CEP112: variants seen among roughly 807,000 people sequenced by gnomAD.
The protein encoded by CEP112 is centrosomal protein of 112 kDa.
A neutral mutation model predicts 153.0 loss-of-function variants in CEP112; 127 were observed. That is an observed-to-expected ratio of 0.83 (90% confidence interval 0.72 to 0.96). The LOEUF (loss-of-function observed/expected upper bound fraction) is 0.96. CEP112 is among the 40% of genes least tolerant of loss of function. The pLI is 0.00. For synonymous variants in CEP112, 358 were observed against 374.4 expected, an observed-to-expected ratio of 0.96 and a Z score of 0.51; for missense variants, 1,089 against 1,101.2, an observed-to-expected ratio of 0.99 and a Z score of 0.16.
chr17:66,043,064 G>A, intron 12 of CEP112: 1 of 978,306 alleles, frequency 1.0e-6, no homozygotes, highest in Non-Finnish European at 1.2e-6. Context: ...TAAGGCTTTT[G>A]GCACTCTTTA....
intron 24 of CEP112, among the ~76,000 whole-genome samples, chr17:65,646,015 C>T (rs1261189970): frequency 1.3e-5 from 2 of 152,146 alleles, no homozygotes; most frequent in African/African-American, 2.4e-5. Context: ...TTGGAGGTCA[C>T]GGCCAAGTAC....
At chr17:65,834,679 T>C (rs2057228471) in intron 21 of CEP112, among the ~76,000 whole-genome samples, 1 of 151,998 alleles carries the variant, frequency 6.6e-6, no homozygotes, top group South Asian at 2.1e-4. Flanking sequence ...TGGCTATTAG[T>C]AAAAAGTCAA....
rs140325143 is a variant in CEP112 at position 65,808,866 on chromosome 17, T to C, written c.2394+42938A>G. Among the ~76,000 whole-genome samples the C allele has an allele frequency of 8.3e-3, 1,260 of 152,328 alleles. 14 individuals carry two copies. Among genetic ancestry groups the C allele is most frequent in the South Asian group, 0.02 (95 of 4,826 alleles). ...TTACCCAGTCTCAGGTAGTTCTTTA[T>C]AGCAGTATAAAAATGAACCAATACA... On this transcript the variant is annotated intron_variant, in intron 21 of 26. Transcript: ENST00000535342.
chr17:65,649,553 C>T (rs1598191415), intron 24 of CEP112, among the ~76,000 whole-genome samples: 1 of 150,722 alleles, frequency 6.6e-6, no homozygotes, highest in Non-Finnish European at 1.5e-5. Context: ...CTCATTTCTA[C>T]TAAAAATAAA....
chr17:66,021,839 G>A (rs768774935), intron 16 of CEP112, among the ~76,000 whole-genome samples: 8 of 151,456 alleles, frequency 5.3e-5, no homozygotes, highest in African/African-American at 1.7e-4. Context: ...AATATTCCAT[G>A]GCCCAGCCAT....
intron 21 of CEP112, among the ~76,000 whole-genome samples, chr17:65,832,458 T>C (rs1598727126): frequency 1.3e-5 from 2 of 148,344 alleles, no homozygotes; most frequent in South Asian, 2.1e-4. Context: ...GGCCACTAGC[T>C]AAACTAATAA....
At chr17:65,928,725 G>A (rs73346897) in intron 18 of CEP112, among the ~76,000 whole-genome samples, 10,465 of 152,092 alleles carry the variant, frequency 0.069, 559 homozygotes, top group African/African-American at 0.14. Flanking sequence ...TTAGCCGAGC[G>A]TGGTGGCATG....
In CEP112 at chr17:65,822,915, A is replaced by T. The variant is rs540625287; in HGVS notation, c.2394+28889T>A. ...AGAAAGGTCACACTGTATAATATCA[A>T]CATTAAAACATCTATTATATTTATA... On this transcript the variant is annotated intron_variant, in intron 21 of 26. Transcript: ENST00000535342. Among the ~76,000 whole-genome samples, 6 of 152,256 alleles carry T rather than the reference A, an allele frequency of 3.9e-5. No individual in the cohort carries two copies. The East Asian group carries it at 1.2e-3, about 29-fold the overall frequency.
At chr17:65,696,667 T>G (rs887414870) in intron 23 of CEP112, among the ~76,000 whole-genome samples, 3 of 152,176 alleles carry the variant, frequency 2.0e-5, no homozygotes, top group African/African-American at 7.2e-5. Context: ...GTATTTATAC[T>G]GAAGATGCTG....
chr17:65,825,465 A>G (rs1169804602), intron 21 of CEP112, among the ~76,000 whole-genome samples: 1 of 152,130 alleles, frequency 6.6e-6, no homozygotes, highest in Admixed American at 6.5e-5. Context: ...TCTGCAGCCC[A>G]GGGGCTGGGG....
chr17:66,043,118 T>C (rs1351280285), intron 12 of CEP112: 9 of 972,180 alleles, frequency 9.3e-6, no homozygotes, highest in Non-Finnish European at 8.6e-6. Flanking sequence ...TAGAGGATCA[T>C]GGATGGAATT....
At chr17:65,815,319 AATTG>A (rs1425568495) in intron 21 of CEP112, among the ~76,000 whole-genome samples, 1 of 152,078 alleles carries the variant, frequency 6.6e-6, no homozygotes, top group East Asian at 1.9e-4. Context: ...TTTTGTCAAA[AATTG>A]ATTGATTATA....
chr17:65,964,043 T>C (rs1038849075), intron 17 of CEP112, among the ~76,000 whole-genome samples: 2 of 152,236 alleles, frequency 1.3e-5, no homozygotes, highest in African/African-American at 4.8e-5. Flanking sequence ...TTCCAGGTCA[T>C]GAGGCATGCC....
At chr17:65,933,487 T>C (rs575005963) in intron 18 of CEP112, among the ~76,000 whole-genome samples, 1 of 152,248 alleles carries the variant, frequency 6.6e-6, no homozygotes, top group African/African-American at 2.4e-5. Context: ...TATCAGCAGA[T>C]TTCTCAGCAG....
intron 18 of CEP112, among the ~76,000 whole-genome samples, chr17:65,955,661 T>G (rs1265536729): frequency 1.3e-5 from 2 of 152,116 alleles, no homozygotes; most frequent in African/African-American, 4.8e-5. Context: ...GAAAAAGATA[T>G]TCCATGTAAA....
At chr17:66,094,659 C>A (rs2068268222) in intron 8 of CEP112, among the ~76,000 whole-genome samples, 1 of 151,982 alleles carries the variant, frequency 6.6e-6, no homozygotes, top group Admixed American at 6.6e-5. Flanking sequence ...GAGATTATAT[C>A]AAACTAAAAA....
intron 11 of CEP112, among the ~76,000 whole-genome samples, 191 bp downstream of exon 11, chr17:66,062,772 T>C (rs1384165813): frequency 6.6e-6 from 1 of 152,152 alleles, no homozygotes. Flanking sequence ...ATGAAAACTA[T>C]TTTATAGACC....
intron 12 of CEP112, among the ~76,000 whole-genome samples, chr17:66,035,259 G>A (rs1254182437): frequency 6.6e-6 from 1 of 151,978 alleles, no homozygotes; most frequent in East Asian, 1.9e-4. Context: ...AAAAGGAGCA[G>A]AACTATGAGA....
At chr17:66,143,221 T>C (rs2070782770) in intron 4 of CEP112, among the ~76,000 whole-genome samples, 4 of 152,168 alleles carry the variant, frequency 2.6e-5, no homozygotes, top group Admixed American at 2.6e-4. Flanking sequence ...ACATAGGATA[T>C]ATAAGATGGT....
Sources: gnomAD v4.1 joint callset for allele counts (sites outside exome capture counted in the v4.1 genomes callset) on GRCh38, gnomAD v4.1.1 for gene constraint, MANE v1.5 for transcripts, NCBI Gene and HGNC (gene_info 2026-07-23, HGNC 2026-07-21) for gene names.